Variants in SOX5 observed in about 807,000 individuals in gnomAD.
SOX5 encodes transcription factor SOX-5.
Under a neutral mutation model 92.0 loss-of-function variants are expected in SOX5, and 9 were observed. The observed-to-expected ratio is 0.10, with a 90% CI of 0.06 to 0.17. The LOEUF (loss-of-function observed/expected upper bound fraction) is 0.17. Among genes scored for constraint, SOX5 ranks in the 10% least tolerant of loss-of-function variants. The probability of loss-of-function intolerance (pLI) is 1.00; values close to 1 mark genes in which losing one functional copy is unlikely to be tolerated. For synonymous variants in SOX5, 344 were observed against 336.3 expected, an observed-to-expected ratio of 1.02 and a Z score of -0.25; for missense variants, 642 against 944.5, an observed-to-expected ratio of 0.68 and a Z score of 4.20.
At chr12:23,953,858 C>G (rs1243271331), upstream of SOX5, among the ~76,000 whole-genome samples, 1 of 151,866 alleles carries the variant, frequency 6.6e-6, no homozygotes, top group Non-Finnish European at 1.5e-5. Context: ...ACTGCCGCAT[C>G]GGTATAATGG....
intron 1 of SOX5, among the ~76,000 whole-genome samples, chr12:24,411,149 A>G (rs1184457630): frequency 6.6e-6 from 1 of 152,014 alleles, no homozygotes; most frequent in Non-Finnish European, 1.5e-5. Context: ...GTATGTTTAT[A>G]TCTTGCTACC....
intron 9 of SOX5, chr12:23,584,511 A>T: frequency 7.1e-7 from 1 of 1,408,144 alleles, no homozygotes; most frequent in Non-Finnish European, 1.0e-6. Context: ...AGCTCCAATT[A>T]ATTACATCAA....
At position 23,886,169 on chromosome 12, in the gene SOX5, T is replaced by C. The variant is rs188662304; in HGVS notation, c.270+9624A>G. Among the ~76,000 whole-genome samples the C allele has an allele frequency of 1.5e-3, 232 of 152,294 alleles. 2 individuals are homozygous for C. Among genetic ancestry groups the C allele is most frequent in the Non-Finnish European group, 1.8e-3 (122 of 68,008 alleles). On this transcript the variant is annotated intron_variant, in intron 2 of 14. Coordinates refer to ENST00000451604, the MANE Select transcript of SOX5 (RefSeq NM_006940.6). ...TACTATTGAATTGTTTTAATATTTC[T>C]AATTTATCACCTCAAAGCCCAAGTG...
chr12:23,917,229 A>G (rs2097425993), intron 1 of SOX5, among the ~76,000 whole-genome samples: 1 of 152,134 alleles, frequency 6.6e-6, no homozygotes, highest in Non-Finnish European at 1.5e-5. Flanking sequence ...GAGAAGGTAC[A>G]TTTAGGCTCA....
intron 14 of SOX5, 33 bp downstream of exon 14, chr12:23,536,420 G>T: frequency 6.6e-7 from 1 of 1,525,652 alleles, no homozygotes; most frequent in Non-Finnish European, 9.1e-7. Context: ...CAGGAAGTTT[G>T]CCCCATGAGA....
chr12:23,950,444 C>A (rs1294621476), upstream of SOX5, among the ~76,000 whole-genome samples: 1 of 152,314 alleles, frequency 6.6e-6, no homozygotes, highest in East Asian at 1.9e-4. Flanking sequence ...TGCGAACGTC[C>A]TGGCAACCCG....
At chr12:23,794,292 C>G (rs774850434) in intron 3 of SOX5, among the ~76,000 whole-genome samples, 3 of 152,050 alleles carry the variant, frequency 2.0e-5, no homozygotes, top group Non-Finnish European at 4.4e-5. Flanking sequence ...TATAGGTTCA[C>G]TTATAAATCT....
chr12:24,049,638 GTTTTTT>G (rs527647441), intron 4 of SOX5, among the ~76,000 whole-genome samples: 12 of 73,770 alleles, frequency 1.6e-4, no homozygotes, highest in South Asian at 6.1e-4. Context: ...ATCCTTCATA[GTTTTTT>G]TTTTTTTTTT....
At chr12:24,449,850 CCT>C (rs1246839285) in intron 1 of SOX5, among the ~76,000 whole-genome samples, 1 of 152,132 alleles carries the variant, frequency 6.6e-6, no homozygotes, top group Non-Finnish European at 1.5e-5. Flanking sequence ...CTCTTGTGCC[CCT>C]CAGTCCTTTG....
At chr12:24,270,132 G>C (rs1943537305) in intron 3 of SOX5, among the ~76,000 whole-genome samples, 1 of 151,894 alleles carries the variant, frequency 6.6e-6, no homozygotes, top group Admixed American at 6.6e-5. Context: ...CACGATCTCA[G>C]CTCACTGCAA....
chr12:23,847,870 G>A (rs546105307), intron 2 of SOX5, among the ~76,000 whole-genome samples: 8 of 151,952 alleles, frequency 5.3e-5, no homozygotes, highest in Non-Finnish European at 8.8e-5. Context: ...ACTCCCGCAC[G>A]TTAAGTGAAG....
intron 2 of SOX5, among the ~76,000 whole-genome samples, chr12:24,350,373 G>A (rs1953918325): frequency 1.3e-5 from 2 of 152,132 alleles, no homozygotes; most frequent in South Asian, 4.1e-4. Flanking sequence ...CCAGGATGGA[G>A]TGTGTCTTAC....
intron 1 of SOX5, among the ~76,000 whole-genome samples, chr12:24,473,388 C>T (rs952142182): frequency 7.2e-5 from 11 of 152,194 alleles, no homozygotes; most frequent in South Asian, 2.1e-4. Flanking sequence ...AAGTGGCTCA[C>T]GGGAGCGGGT....
chr12:24,362,014 G>C (rs1057322680), intron 2 of SOX5, among the ~76,000 whole-genome samples: 6 of 152,196 alleles, frequency 3.9e-5, no homozygotes, highest in African/African-American at 1.4e-4. Context: ...TTTTATAAGA[G>C]ATCATTGGCT....
rs147360276 is a variant in SOX5, at chr12:23,656,837, T to C, written c.931+8607A>G. Among the ~76,000 whole-genome samples, 1,274 of 152,068 alleles carry C rather than the reference T, an allele frequency of 8.4e-3. 12 individuals are homozygous for C. Among genetic ancestry groups the C allele is most frequent in the Middle Eastern group, 0.048 (14 of 292 alleles). On this transcript the variant is annotated intron_variant, in intron 7 of 14. Coordinates refer to ENST00000451604, the MANE Select transcript of SOX5 (RefSeq NM_006940.6). ...TCTGGAAAAACATGTATAAAATTAA[T>C]GGTAGTTACACCTGGGTAGTGGGAT...
chr12:23,649,292 G>A (rs2081263341), intron 7 of SOX5, among the ~76,000 whole-genome samples: 1 of 151,646 alleles, frequency 6.6e-6, no homozygotes, highest in South Asian at 2.1e-4. Context: ...AAAAAAAAAA[G>A]AGTTTTTATT....
intron 1 of SOX5, among the ~76,000 whole-genome samples, chr12:24,537,157 A>G (rs567306703): frequency 6.6e-6 from 1 of 152,372 alleles, no homozygotes; most frequent in South Asian, 2.1e-4. Flanking sequence ...TATTGAATAA[A>G]TAACTAAATA....
chr12:24,026,589 GAAAAAAAAGCAAAAAA>G (rs1204782554), intron 4 of SOX5, among the ~76,000 whole-genome samples: 1 of 94,226 alleles, frequency 1.1e-5, no homozygotes, highest in Non-Finnish European at 2.1e-5. Flanking sequence ...GTCTCTATGG[GAAAAAAAAGCAAAAAA>G]AAAAAAAACA....
chr12:24,408,926 C>A (rs1327837374), intron 1 of SOX5, among the ~76,000 whole-genome samples: 2 of 152,094 alleles, frequency 1.3e-5, no homozygotes, highest in Admixed American at 6.6e-5. Flanking sequence ...GGTGATTCCT[C>A]GAGAATCTAG....
Sources: allele counts gnomAD v4.1 joint callset (sites outside exome capture counted in the v4.1 genomes callset), GRCh38; gene constraint gnomAD v4.1.1; transcripts MANE v1.5; gene names NCBI Gene and HGNC (gene_info 2026-07-23, HGNC 2026-07-21).